Variants in ITGAM observed in about 807,000 individuals in gnomAD.
ITGAM encodes the protein integrin alpha-M.
Under a neutral mutation model 137.5 loss-of-function variants are expected in ITGAM, and 79 were observed. That is an observed-to-expected ratio of 0.57 (90% CI 0.48 to 0.69). The LOEUF is 0.69. Ranked by LOEUF, ITGAM falls within the 30% of genes least tolerant of loss-of-function variation. The probability of loss-of-function intolerance (pLI) is 0.00; values close to 1 mark genes in which losing one functional copy is unlikely to be tolerated. For missense variants in ITGAM, 1,343 were observed against 1,483.5 expected (o/e 0.91, Z 1.56); for synonymous variants, 583 against 592.3 (o/e 0.98, Z 0.23).
Position 31,268,152 on chromosome 16 carries a change from C to T in ITGAM, c.427+2005C>T, listed in dbSNP as rs2079790722. On this transcript the variant is annotated intron_variant, in intron 5 of 29. Transcript: ENST00000544665. Reference sequence around the variant, plus strand: ...CACCCAAGCTTCCTGAGTGCATTCTCTTCACCCCCGGCTGGCCTCCAGCTT... The same window carrying T: ...CACCCAAGCTTCCTGAGTGCATTCTTTTCACCCCCGGCTGGCCTCCAGCTT... 2.0e-5 allele frequency among the ~76,000 whole-genome samples: 3 copies of T among 152,094 alleles called. No individual in the cohort carries two copies. The South Asian group carries it at 6.2e-4, about 31-fold the overall frequency.
At chr16:31,270,739 A>AT (rs1245648772) in intron 5 of ITGAM, among the ~76,000 whole-genome samples, 13 of 112,692 alleles carry the variant, frequency 1.2e-4, no homozygotes, top group African/African-American at 3.5e-4. Context: ...ATATATATAT[A>AT]TATATGTTTT....
intron 12 of ITGAM, among the ~76,000 whole-genome samples, chr16:31,290,770 A>G (rs2080079544): frequency 6.6e-6 from 1 of 152,132 alleles, no homozygotes; most frequent in African/African-American, 2.4e-5. Context: ...AAAAAATATA[A>G]AGAGGAAAGG....
chr16:31,317,035 A>T (rs748058589), intron 14 of ITGAM, among the ~76,000 whole-genome samples: 2 of 152,154 alleles, frequency 1.3e-5, no homozygotes, highest in Non-Finnish European at 2.9e-5. Flanking sequence ...GATCATGTCA[A>T]TTGCAAACAG....
At chr16:31,270,130 C>CTTCCTCCTTTCCTTTCCTT in intron 5 of ITGAM, among the ~76,000 whole-genome samples, 1 of 90,836 alleles carries the variant, frequency 1.1e-5, no homozygotes, top group African/African-American at 4.2e-5. Context: ...TCCTTCCTTC[C>CTTCCTCCTTTCCTTTCCTT]TCCTTTGCTT....
intron 14 of ITGAM, among the ~76,000 whole-genome samples, chr16:31,307,146 A>G (rs2080273311): frequency 6.6e-6 from 1 of 152,102 alleles, no homozygotes; most frequent in African/African-American, 2.4e-5. Flanking sequence ...TTTTGGTTCC[A>G]TATGAACTTT....
Position 31,324,649 on chromosome 16 carries a change from A to G in ITGAM, c.2158-2A>G. The G allele has an allele frequency of 6.2e-7, 1 of 1,604,690 alleles. No individual in the cohort carries two copies. Among genetic ancestry groups the G allele is most frequent in the Non-Finnish European group, 8.5e-7 (1 of 1,174,856 alleles). On this transcript the variant is annotated splice_acceptor_variant, in intron 17 of 29. Coordinates refer to ENST00000544665, the MANE Select transcript of ITGAM (RefSeq NM_000632.4). LOFTEE classifies it high-confidence loss of function. The surrounding 1 kb of genome is among the most constrained non-coding windows in gnomAD (Gnocchi z 4.5). Reference sequence around the variant, plus strand: ...GATCCCCAAATCCCGGCTATCTCTTAGAATTGCATCGAGGACCCAGTGAGC... The same window carrying G: ...GATCCCCAAATCCCGGCTATCTCTTGGAATTGCATCGAGGACCCAGTGAGC...
At chr16:31,266,322 C>T (rs1217661442) in intron 5 of ITGAM, among the ~76,000 whole-genome samples, 175 bp downstream of exon 5, 1 of 151,544 alleles carries the variant, frequency 6.6e-6, no homozygotes, top group Non-Finnish European at 1.5e-5. Context: ...AGGAAAACGC[C>T]TTGGCTAGGC....
intron 21 of ITGAM, among the ~76,000 whole-genome samples, chr16:31,326,047 CAG>C (rs1295024321): frequency 5.9e-5 from 9 of 152,044 alleles, no homozygotes; most frequent in African/African-American, 2.2e-4. Context: ...GCCTAGGCGA[CAG>C]AGTGAGACCC....
chr16:31,331,702 C>A lies in ITGAM; in HGVS notation c.3454C>A (p.Gln1152Lys). Reference sequence around the variant, plus strand: ...AGGGGGTCCCCCGGGGGCCGAACCCCAGTAGCGGCTCCTTCCCGACAGAGC... The same window carrying A: ...AGGGGGTCCCCCGGGGGCCGAACCCAAGTAGCGGCTCCTTCCCGACAGAGC... The part of the protein sequence containing the change: ...SEGGPPGAEP[Q>K] Residue 1152 changes from glutamine (Q) to lysine (K), a missense_variant, in exon 30 of 30, where the codon CAG (glutamine) becomes AAG (lysine). Physicochemically the swap from Gln to Lys is moderately conservative, Grantham distance 53. Coordinates refer to ENST00000544665, the MANE Select transcript of ITGAM (RefSeq NM_000632.4). The A allele has an allele frequency of 6.2e-7, 1 of 1,603,332 alleles. No homozygotes were observed. Among genetic ancestry groups the A allele is most frequent in the Non-Finnish European group, 8.5e-7 (1 of 1,175,118 alleles).
rs755781315 is a variant in ITGAM at position 31,331,285 on chromosome 16, G to A, written c.3387+10G>A. On this transcript the variant is annotated intron_variant, in intron 29 of 29. Coordinates refer to ENST00000544665, the MANE Select transcript of ITGAM (RefSeq NM_000632.4). ...CGCCGCGCTGTACAAGGTGCTCCCC[G>A]CTGCTCCCCCACCCCCTCCCTTCAT... 2 of 1,482,460 alleles carry A rather than the reference G, an allele frequency of 1.3e-6. No homozygotes were observed. The highest frequency in any genetic ancestry group is 1.1e-5 in the South Asian group (1 of 88,042). The allele number at this position is 1,482,460 out of a possible 1,614,324, so 91.8% of individuals were successfully genotyped here. A position where few individuals can be genotyped will look rare whatever the true frequency, so the allele number is the denominator to read the frequency against.
intron 5 of ITGAM, among the ~76,000 whole-genome samples, chr16:31,270,743 A>ATATATTT (rs1475429642): frequency 1.1e-4 from 12 of 106,194 alleles, no homozygotes; most frequent in African/African-American, 3.3e-4. Context: ...ATATATATAT[A>ATATATTT]TGTTTTTAAC....
chr16:31,302,981 T>TTTCC (rs1491249381), intron 14 of ITGAM, among the ~76,000 whole-genome samples: 5 of 120,024 alleles, frequency 4.2e-5, no homozygotes, highest in African/African-American at 9.9e-5. Flanking sequence ...TCTTTCTTTC[T>TTTCC]TTCTTTCTTT....
At chr16:31,328,513 CTA>C (rs554956161) in intron 23 of ITGAM, among the ~76,000 whole-genome samples, 96 of 149,322 alleles carry the variant, frequency 6.4e-4, no homozygotes, top group Admixed American at 4.3e-3. Flanking sequence ...TGAGTGTGAT[CTA>C]TGTGTGTGTG....
intron 14 of ITGAM, among the ~76,000 whole-genome samples, chr16:31,298,204 CAAAAAAAAAAA>C (rs61202942): frequency 0.022 from 1,740 of 77,882 alleles, 47 homozygotes; most frequent in African/African-American, 0.083. Flanking sequence ...CCCATCTCTC[CAAAAAAAAAAA>C]AAAAAAAAAA....
chr16:31,285,207 C>T (rs1280959986), intron 12 of ITGAM, among the ~76,000 whole-genome samples: 1 of 152,134 alleles, frequency 6.6e-6, no homozygotes, highest in Admixed American at 6.6e-5. Context: ...CATACCATGT[C>T]TGGAATCTAT....
chr16:31,329,072 T>TGGG, intron 23 of ITGAM, 156 bp from the exon 24 acceptor site: 1 of 474,542 alleles, frequency 2.1e-6, no homozygotes, highest in Non-Finnish European at 4.0e-6. Context: ...CACACATTGG[T>TGGG]TCCCCCATCC....
chr16:31,331,064 A>C (rs1159156719), intron 28 of ITGAM, 101 bp from the exon 29 acceptor site: 1 of 652,612 alleles, frequency 1.5e-6, no homozygotes. Flanking sequence ...GGGGGACATG[A>C]GGAGGGGTTC....
Position 31,329,285 on chromosome 16 carries a change from C to T in ITGAM, c.2850C>T (p.Val950=), listed in dbSNP as rs773623068. The change falls in exon 24 of 30, where the codon GTC becomes GTT. Residue 950 remains valine (V), a synonymous_variant. Coordinates refer to ENST00000544665, the MANE Select transcript of ITGAM (RefSeq NM_000632.4). The part of the protein sequence containing the change: ...NFTASENTSR[V]MQHQYQVSNL... ...CGGCCTCAGAGAATACCAGTCGGGT[C>T]ATGCAGCATCAATATCAGGTGGGCA... The T allele has an allele frequency of 6.2e-6, 10 of 1,612,040 alleles. No homozygotes were observed. The African/African-American group carries it at 1.2e-4, about 19-fold the overall frequency.
chr16:31,299,391 C>T (rs1042798037), intron 14 of ITGAM, among the ~76,000 whole-genome samples: 3 of 152,106 alleles, frequency 2.0e-5, no homozygotes, highest in Admixed American at 2.0e-4. Flanking sequence ...CTCACTGCAA[C>T]CTTACCTCCT....
Sources: gnomAD v4.1 joint callset for allele counts (sites outside exome capture counted in the v4.1 genomes callset) on GRCh38, gnomAD v4.1.1 for gene constraint, Gnocchi (gnomAD v3.1) non-coding constraint, MANE v1.5 for transcripts, NCBI Gene and HGNC (gene_info 2026-07-23, HGNC 2026-07-21) for gene names.